SUMF1: variants seen among roughly 807,000 people sequenced by gnomAD.
SUMF1 encodes the protein formylglycine-generating enzyme.
A neutral mutation model predicts 47.6 loss-of-function variants in SUMF1; 48 were observed. The ratio of observed to expected loss-of-function variants is 1.01; its 90% CI spans 0.80 to 1.28. The LOEUF is 1.28. SUMF1 is among the 50% of genes most tolerant of loss of function. SUMF1 has a pLI of 0.00. For missense variants in SUMF1, 571 were observed against 485.4 expected (o/e 1.18, Z -1.66); for synonymous variants, 230 against 192.1 (o/e 1.20, Z -1.63).
chr3:4,405,307 T>A (rs1320723965), intron 7 of SUMF1, among the ~76,000 whole-genome samples: 1 of 152,180 alleles, frequency 6.6e-6, no homozygotes, highest in African/African-American at 2.4e-5. Flanking sequence ...AGGCAAGAGC[T>A]CAGAGGGGTG....
At chr3:4,153,122 C>A (rs1317353280) in intron 8 of SUMF1, among the ~76,000 whole-genome samples, 1 of 151,480 alleles carries the variant, frequency 6.6e-6, no homozygotes, top group Non-Finnish European at 1.5e-5. Context: ...ATACATATAT[C>A]AAAACATCAT....
intron 8 of SUMF1, among the ~76,000 whole-genome samples, chr3:4,108,285 G>A (rs1693204687): frequency 6.6e-6 from 1 of 152,158 alleles, no homozygotes; most frequent in Non-Finnish European, 1.5e-5. Context: ...GCTGTGGTCT[G>A]AGAGAAAGTT....
At chr3:4,183,955 C>T (rs1212069702) in intron 8 of SUMF1, among the ~76,000 whole-genome samples, 1 of 151,838 alleles carries the variant, frequency 6.6e-6, no homozygotes, top group Non-Finnish European at 1.5e-5. Flanking sequence ...ATGGTGAAAT[C>T]CCGTCTCTAC....
At chr3:4,213,083 G>T (rs1315927078) in intron 8 of SUMF1, among the ~76,000 whole-genome samples, 2 of 152,104 alleles carry the variant, frequency 1.3e-5, no homozygotes, top group Non-Finnish European at 2.9e-5. Context: ...TACTCCTCAA[G>T]AAGAGCAACC....
At chr3:4,191,785 T>C (rs1003795608) in intron 8 of SUMF1, among the ~76,000 whole-genome samples, 1 of 152,146 alleles carries the variant, frequency 6.6e-6, no homozygotes, top group Non-Finnish European at 1.5e-5. Flanking sequence ...AACAGATTTA[T>C]TGGTAGTTAA....
In SUMF1 at chr3:4,255,904, T is replaced by C. The variant is rs565298465; in HGVS notation, c.1014+120426A>G. Among the ~76,000 whole-genome samples, 683 of 107,830 alleles carry C rather than the reference T, an allele frequency of 6.3e-3. 15 individuals are homozygous for C. The highest frequency in any genetic ancestry group is 0.028 in the African/African-American group (642 of 23,130). 70.7% of individuals were successfully genotyped at this position (107,830 alleles called of 152,430 possible). On this transcript the variant is annotated intron_variant and NMD_transcript_variant, in intron 8 of 12. Transcript: ENST00000448413. ...AGCAAATGTAAAAGAACAGAAATTA[T>C]AACAAACTATCTCTCAGACCACAGT...
At chr3:4,406,189 T>A (rs577439168) in intron 7 of SUMF1, among the ~76,000 whole-genome samples, 1 of 152,194 alleles carries the variant, frequency 6.6e-6, no homozygotes. Flanking sequence ...GAAAGTGATA[T>A]AAAGTTTGCA....
chr3:4,222,786 T>C (rs1413626511), intron 8 of SUMF1, among the ~76,000 whole-genome samples: 1 of 152,092 alleles, frequency 6.6e-6, no homozygotes, highest in Non-Finnish European at 1.5e-5. Flanking sequence ...TCCTGAGTCA[T>C]TGCCGCTGGG....
At chr3:4,242,968 T>C (rs1040922983) in intron 8 of SUMF1, among the ~76,000 whole-genome samples, 1 of 152,228 alleles carries the variant, frequency 6.6e-6, no homozygotes, top group African/African-American at 2.4e-5. Context: ...TATTGGTCTA[T>C]TCAGAGATTC....
chr3:4,436,578 A>G lies in SUMF1; in HGVS notation c.519+12688T>C, dbSNP rs149965322. ...GCAATATTCAAAAAAATAATGGTTAAGAGTAGAGCAGAGTTGTTAATTAAA... is the reference window on the plus strand; with the variant it reads ...GCAATATTCAAAAAAATAATGGTTAGGAGTAGAGCAGAGTTGTTAATTAAA... On this transcript the variant is annotated intron_variant, in intron 3 of 8. Coordinates refer to ENST00000272902, the MANE Select transcript of SUMF1 (RefSeq NM_182760.4). Among the ~76,000 whole-genome samples the G allele has an allele frequency of 2.4e-4, 36 of 150,522 alleles. No homozygotes were observed. In the East Asian group the frequency reaches 6.4e-3, roughly 27 times the overall value.
intron 8 of SUMF1, among the ~76,000 whole-genome samples, chr3:4,215,846 C>T (rs887663901): frequency 1.7e-4 from 26 of 152,032 alleles, no homozygotes; most frequent in Non-Finnish European, 2.9e-4. Flanking sequence ...ATGTGAAGGA[C>T]CTCTTCCAGG....
intron 8 of SUMF1, among the ~76,000 whole-genome samples, chr3:4,165,880 A>C (rs1694693423): frequency 7.4e-6 from 1 of 134,416 alleles, no homozygotes; most frequent in Non-Finnish European, 1.6e-5. Context: ...CCCCCCGAGC[A>C]AGAACCTGCA....
chr3:4,336,334 CA>C (rs1191030151), intron 8 of SUMF1, among the ~76,000 whole-genome samples: 1 of 152,144 alleles, frequency 6.6e-6, no homozygotes, highest in Non-Finnish European at 1.5e-5. Flanking sequence ...ACTGAATCTA[CA>C]TTTTACATGT....
At chr3:4,446,326 G>A (rs975397556) in intron 3 of SUMF1, among the ~76,000 whole-genome samples, 1 of 152,108 alleles carries the variant, frequency 6.6e-6, no homozygotes, top group African/African-American at 2.4e-5. Context: ...GTTTTATAAA[G>A]GGCAGCTCCC....
intron 8 of SUMF1, among the ~76,000 whole-genome samples, chr3:4,280,616 G>A (rs1377408390): frequency 6.6e-6 from 1 of 152,072 alleles, no homozygotes; most frequent in African/African-American, 2.4e-5. Flanking sequence ...CTAACAACAC[G>A]CCACAAACTG....
chr3:4,073,025 C>A (rs535389014), intron 8 of SUMF1, among the ~76,000 whole-genome samples: 5 of 152,110 alleles, frequency 3.3e-5, no homozygotes, highest in African/African-American at 7.2e-5. Flanking sequence ...CCCAAAGAGA[C>A]AAAACCATCC....
intron 3 of SUMF1, among the ~76,000 whole-genome samples, chr3:4,439,270 T>G (rs1039594219): frequency 6.6e-6 from 1 of 152,210 alleles, no homozygotes; most frequent in Non-Finnish European, 1.5e-5. Context: ...ACGCCTGTAA[T>G]GCCAGCACTT....
intron 8 of SUMF1, among the ~76,000 whole-genome samples, chr3:4,080,958 T>C (rs1052286077): frequency 6.6e-6 from 1 of 152,134 alleles, no homozygotes; most frequent in Admixed American, 6.6e-5. Context: ...TAAATAAATT[T>C]TCTTACCTCA....
intron 1 of SUMF1, among the ~76,000 whole-genome samples, chr3:4,453,678 C>T (rs909315720): frequency 7.2e-5 from 11 of 151,888 alleles, no homozygotes; most frequent in East Asian, 1.9e-4. Flanking sequence ...GGATTACAGG[C>T]GCCCACCACC....
Sources: allele counts gnomAD v4.1 joint callset (sites outside exome capture counted in the v4.1 genomes callset), GRCh38; gene constraint gnomAD v4.1.1; transcripts MANE v1.5; gene names NCBI Gene and HGNC (gene_info 2026-07-23, HGNC 2026-07-21).